The following WDCP variants were observed in gnomAD, a reference collection of about 807,000 sequenced individuals.
WDCP encodes WD repeat and coiled-coil-containing protein.
A neutral mutation model predicts 41.6 loss-of-function variants in WDCP; 19 were observed. The observed-to-expected ratio is 0.46, with a 90% CI of 0.32 to 0.67. The LOEUF is 0.67. Among genes scored for constraint, WDCP ranks in the 30% least tolerant of loss-of-function variants. WDCP has a pLI of 0.04. For synonymous variants in WDCP, 302 were observed against 320.8 expected (o/e 0.94, Z 0.63); for missense variants, 802 against 850.7 (o/e 0.94, Z 0.71).
In WDCP at chr2:24,040,429, A is replaced by C. The variant is rs540175204; in HGVS notation, c.-18-917T>G. ...AATTTCTATTCGTCCTTTCACTGCC[A>C]AATCAATGAATAACTGATATGCACA... On this transcript the variant is annotated intron_variant, in intron 1 of 3. Coordinates refer to ENST00000295148, the MANE Select transcript of WDCP (RefSeq NM_025203.3). Among the ~76,000 whole-genome samples, 12 of 152,350 alleles carry C rather than the reference A, an allele frequency of 7.9e-5. No individual in the cohort carries two copies. The South Asian group carries it at 2.5e-3, about 32-fold the overall frequency.
intron 1 of WDCP, among the ~76,000 whole-genome samples, chr2:24,040,010 A>T (rs1001482219): frequency 1.3e-5 from 2 of 151,994 alleles, no homozygotes; most frequent in Non-Finnish European, 2.9e-5. Flanking sequence ...TATGTTGGCC[A>T]GGCTGGTCTC....
At position 24,031,044 on chromosome 2, in the gene WDCP, GTC is replaced by G; in HGVS notation, c.2053_2054del (p.Asp685LeufsTer13). On this transcript the variant is annotated frameshift_variant, in exon 4 of 4. Coordinates refer to ENST00000295148, the MANE Select transcript of WDCP (RefSeq NM_025203.3). LOFTEE classifies it low-confidence loss of function (END_TRUNC). ...GSLSRSDVFR[D>X]SFSHSPGAVS... ...CAGCACCTGGACTGTGAGAAAAAGAGTCTCTGAAGACATCTGACCTGGACAGG... is the reference window on the plus strand; with the variant it reads ...CAGCACCTGGACTGTGAGAAAAAGAGTCTGAAGACATCTGACCTGGACAGG... 1 of 1,614,196 alleles carries G rather than the reference GTC, an allele frequency of 6.2e-7. No homozygotes were observed. The highest frequency in any genetic ancestry group is 8.5e-7 in the Non-Finnish European group (1 of 1,179,994).
At chr2:24,036,861 C>T (rs145570825) in intron 2 of WDCP, among the ~76,000 whole-genome samples, 1 of 152,260 alleles carries the variant, frequency 6.6e-6, no homozygotes, top group African/African-American at 2.4e-5. Flanking sequence ...CGAAAGGATC[C>T]ATGTTAAGCT....
intron 2 of WDCP, among the ~76,000 whole-genome samples, chr2:24,035,105 T>C (rs1172590732): frequency 1.3e-5 from 2 of 151,806 alleles, no homozygotes; most frequent in Non-Finnish European, 2.9e-5. Flanking sequence ...TATCTGTGAT[T>C]TTCTCTAAAG....
At chr2:24,037,347 G>A (rs1279102593) in intron 2 of WDCP, among the ~76,000 whole-genome samples, 1 of 152,210 alleles carries the variant, frequency 6.6e-6, no homozygotes, top group Admixed American at 6.5e-5. Flanking sequence ...ATAACTGGAG[G>A]AGTATCTCTA....
At position 24,030,803 on chromosome 2, in the gene WDCP, A is replaced by T; in HGVS notation, c.*130T>A. On this transcript the variant is annotated 3_prime_UTR_variant, in exon 4 of 4. Transcript: ENST00000295148. ...AGCTCAGGGGAAACAGGGGGAAACC[A>T]GGAGAGCCGACCATGGCAAGCGCTT... 1 of 697,298 alleles carries T rather than the reference A, an allele frequency of 1.4e-6. No individual in the cohort carries two copies. Among genetic ancestry groups the T allele is most frequent in the Non-Finnish European group, 2.4e-6 (1 of 410,072 alleles). The allele number at this position is 697,298 out of a possible 1,614,324, so 43.2% of individuals were successfully genotyped here.
intron 1 of WDCP, chr2:24,046,031 T>G (rs1016188868): frequency 6.6e-6 from 1 of 151,872 alleles, no homozygotes; most frequent in Admixed American, 6.6e-5. Flanking sequence ...CTGAGAGGAT[T>G]TGAGCTCAGG....
intron 2 of WDCP, among the ~76,000 whole-genome samples, chr2:24,034,375 G>A (rs1048762077): frequency 2.6e-5 from 4 of 152,082 alleles, no homozygotes; most frequent in South Asian, 2.1e-4. Flanking sequence ...AGCCAAGATC[G>A]CGCCACTGCA....
intron 1 of WDCP, among the ~76,000 whole-genome samples, chr2:24,043,385 C>T (rs781422525): frequency 2.7e-4 from 41 of 152,060 alleles, no homozygotes; most frequent in Non-Finnish European, 4.4e-4. Context: ...GTGGCTCATG[C>T]CTGTAATCCC....
intron 1 of WDCP, among the ~76,000 whole-genome samples, chr2:24,041,340 C>CA (rs35390594): frequency 0.13 from 17,040 of 127,052 alleles, 1,137 homozygotes; most frequent in South Asian, 0.21. Flanking sequence ...ACTCTATCTC[C>CA]AAAAAAAAAA....
intron 2 of WDCP, among the ~76,000 whole-genome samples, chr2:24,034,871 G>A (rs1663196677): frequency 6.6e-6 from 1 of 151,868 alleles, no homozygotes; most frequent in Non-Finnish European, 1.5e-5. Flanking sequence ...CACTGTGCCT[G>A]GCCAAACATG....
At position 24,031,159 on chromosome 2, in the gene WDCP, G is replaced by GA; in HGVS notation, c.1939dup (p.Ser647PhefsTer9). On this transcript the variant is annotated frameshift_variant, in exon 4 of 4. Coordinates refer to ENST00000295148, the MANE Select transcript of WDCP (RefSeq NM_025203.3). LOFTEE classifies it low-confidence loss of function (END_TRUNC). ...GTCAGCAGAGAGAAGAATCCAGTGG[G>GA]AATCTGCAAATAAAAATAAATACAC... 1 of 1,607,382 alleles carries GA rather than the reference G, an allele frequency of 6.2e-7. No individual in the cohort carries two copies. The highest frequency in any genetic ancestry group is 1.3e-5 in the African/African-American group (1 of 74,716).
Position 24,032,096 on chromosome 2 carries a change from G to C in WDCP, c.1936+733C>G, listed in dbSNP as rs113295295. Among the ~76,000 whole-genome samples the C allele has an allele frequency of 8.5e-3, 1,298 of 152,310 alleles. 10 individuals are homozygous for C. The highest frequency in any genetic ancestry group is 0.039 in the South Asian group (186 of 4,826). On this transcript the variant is annotated intron_variant, in intron 3 of 3. Coordinates refer to ENST00000295148, the MANE Select transcript of WDCP (RefSeq NM_025203.3). ...AATTAATAATATTTGTTAAGGCTGG[G>C]TGTGGTGGCTTATGCCAGTAATCAT...
rs573593502 is a variant in WDCP at position 24,035,764 on chromosome 2, A to T, written c.1818+1913T>A. The stretch of plus-strand genomic sequence containing the variant: ...ACCTTGTCTCTATAGTTAAAAAAAA[A>T]TTTTTTTTAATTAAAAAAAAATTAG... On this transcript the variant is annotated intron_variant, in intron 2 of 3. Transcript: ENST00000295148. 2.0e-4 allele frequency among the ~76,000 whole-genome samples: 30 copies of T among 151,302 alleles called. 1 individual carries two copies. Among genetic ancestry groups the T allele is most frequent in the South Asian group, 1.0e-3 (5 of 4,770 alleles).
chr2:24,043,904 C>G (rs977631155), intron 1 of WDCP, among the ~76,000 whole-genome samples: 14 of 151,304 alleles, frequency 9.3e-5, no homozygotes, highest in Admixed American at 4.6e-4. Flanking sequence ...AAAAAAGGGT[C>G]TATTATGCTT....
At position 24,030,824 on chromosome 2, in the gene WDCP, CG is replaced by C; in HGVS notation, c.*108del. ...AACCAGGAGAGCCGACCATGGCAAG[CG>C]CTTCGCCTGAGTGCAGTGGGAGTCT... On this transcript the variant is annotated 3_prime_UTR_variant, in exon 4 of 4. Coordinates refer to ENST00000295148, the MANE Select transcript of WDCP (RefSeq NM_025203.3). 1.2e-6 allele frequency: 1 copy of C among 820,856 alleles called. No individual in the cohort carries two copies. Among genetic ancestry groups the C allele is most frequent in the Non-Finnish European group, 1.9e-6 (1 of 514,338 alleles). 50.8% of individuals were successfully genotyped at this position (820,856 alleles called of 1,614,324 possible).
intron 1 of WDCP, among the ~76,000 whole-genome samples, chr2:24,044,348 C>A (rs957142628): frequency 1.3e-5 from 2 of 152,080 alleles, no homozygotes; most frequent in Admixed American, 1.3e-4. Context: ...GGGCTCACTG[C>A]AACCTCTGCT....
At chr2:24,044,020 T>C (rs138062717) in intron 1 of WDCP, among the ~76,000 whole-genome samples, 39 of 152,312 alleles carry the variant, frequency 2.6e-4, no homozygotes, top group African/African-American at 8.7e-4. Context: ...CCACTGGTCT[T>C]ATGAAAGATA....
chr2:24,045,631 G>GGAAGGAAGGA (rs367897717), intron 1 of WDCP, among the ~76,000 whole-genome samples: 11 of 106,154 alleles, frequency 1.0e-4, no homozygotes, highest in Middle Eastern at 4.8e-3. Flanking sequence ...GAGAGAGAGA[G>GGAAGGAAGGA]AGGAAGGAAG....
Sources: allele counts gnomAD v4.1 joint callset (sites outside exome capture counted in the v4.1 genomes callset), GRCh38; gene constraint gnomAD v4.1.1; transcripts MANE v1.5; gene names NCBI Gene and HGNC (gene_info 2026-07-23, HGNC 2026-07-21).